The following TEPSIN variants were observed in gnomAD, a reference collection of about 807,000 sequenced individuals.
The protein encoded by TEPSIN is AP-4 complex accessory subunit tepsin.
Under a neutral mutation model 48.5 loss-of-function variants are expected in TEPSIN, and 50 were observed. The ratio of observed to expected loss-of-function variants is 1.03; its 90% CI spans 0.82 to 1.31. The LOEUF (loss-of-function observed/expected upper bound fraction) is 1.31. Among genes scored for constraint, TEPSIN ranks in the 50% most tolerant of loss-of-function variants. TEPSIN has a pLI of 0.00. For missense variants in TEPSIN, 838 were observed against 815.9 expected (o/e 1.03, Z -0.33); for synonymous variants, 392 against 358.8 (o/e 1.09, Z -1.05).
chr17:81,231,267 G>A (rs569415977), intron 11 of TEPSIN, 131 bp downstream of exon 11: 31 of 964,470 alleles, frequency 3.2e-5, no homozygotes, highest in Middle Eastern at 3.4e-4. Context: ...ATGTGCGCAC[G>A]CACAGCCACA....
At chr17:81,229,628 G>A (rs898455135) in intron 12 of TEPSIN, 152 bp from the exon 13 acceptor site, 12 of 798,712 alleles carry the variant, frequency 1.5e-5, no homozygotes, top group Non-Finnish European at 2.4e-5. Context: ...AGGGGCTGGG[G>A]CAGTGCACCC....
chr17:81,238,905 T>G, intron 1 of TEPSIN, 81 bp downstream of exon 1: 1 of 1,381,276 alleles, frequency 7.2e-7, no homozygotes, highest in South Asian at 1.6e-5. Flanking sequence ...GGTCAATGGC[T>G]CCGGCCCGGG....
chr17:81,236,697 G>C lies in TEPSIN; in HGVS notation c.307+11C>G. On this transcript the variant is annotated intron_variant, in intron 4 of 12. Coordinates refer to ENST00000637944, the MANE Select transcript of TEPSIN (RefSeq NM_001363764.2). ...CCTGGCTCTTCCTGAGCGCGTGCGCGGCCCCTGTACCTGCAGCTTCCTGGA... is the reference window on the plus strand; with the variant it reads ...CCTGGCTCTTCCTGAGCGCGTGCGCCGCCCCTGTACCTGCAGCTTCCTGGA... 3 of 1,554,820 alleles carry C rather than the reference G, an allele frequency of 1.9e-6. No homozygotes were observed. The highest frequency in any genetic ancestry group is 1.7e-6 in the Non-Finnish European group (2 of 1,149,488).
At position 81,231,632 on chromosome 17, in the gene TEPSIN, G is replaced by A. The variant is rs1274276219; in HGVS notation, c.965C>T (p.Thr322Ile). Residue 322 changes from threonine (T) to isoleucine (I), a missense_variant, in exon 10 of 13, where the codon ACT becomes ATT. Transcript: ENST00000637944. ...QQELSLVRTV[T>I]RGPRAFLSRE... ...GCTCAGGAAGGCGCGTGGTCCCCGAGTCACAGTCCTCACCAAGCTCAACTC... is the reference window on the plus strand; with the variant it reads ...GCTCAGGAAGGCGCGTGGTCCCCGAATCACAGTCCTCACCAAGCTCAACTC... The A allele has an allele frequency of 6.2e-7, 1 of 1,613,264 alleles. No homozygotes were observed. Among genetic ancestry groups the A allele is most frequent in the African/African-American group, 1.3e-5 (1 of 75,026 alleles).
Position 81,234,383 on chromosome 17 carries a change from T to G in TEPSIN, c.308-335A>C. The G allele has an allele frequency of 7.7e-6, 2 of 260,042 alleles. No homozygotes were observed. The highest frequency in any genetic ancestry group is 1.5e-5 in the Non-Finnish European group (2 of 137,770). 16.1% of individuals were successfully genotyped at this position (260,042 alleles called of 1,614,324 possible). On this transcript the variant is annotated intron_variant, in intron 4 of 12. Coordinates refer to ENST00000637944, the MANE Select transcript of TEPSIN (RefSeq NM_001363764.2). This position sits in a 1 kb window ranked among gnomAD's most constrained non-coding sequence, Gnocchi z 5.4. The stretch of plus-strand genomic sequence containing the variant: ...GGTGCACCAGGGACCCCTCAGAGGC[T>G]TCCGGGGCCTGGAGGGAGAAACCAG...
intron 12 of TEPSIN, 177 bp from the exon 13 acceptor site, chr17:81,229,653 C>T (rs558559489): frequency 1.2e-4 from 77 of 659,142 alleles, no homozygotes; most frequent in South Asian, 1.1e-3. Flanking sequence ...GTCATCCCAC[C>T]GAGAGCAGCT....
chr17:81,230,877 A>G lies in TEPSIN; in HGVS notation c.1099-199T>C, dbSNP rs112664429. 0.016 allele frequency: 9,196 copies of G among 589,756 alleles called. 161 individuals carry two copies. The highest frequency in any genetic ancestry group is 0.087 in the African/African-American group (3,463 of 39,716). The allele number at this position is 589,756 out of a possible 1,614,324, so 36.5% of individuals were successfully genotyped here. ...CAGACACCACAGCCCTGTCCTCACC[A>G]CCTTACACCCCCGCTCCCAGACACC... On this transcript the variant is annotated intron_variant, in intron 11 of 12. Coordinates refer to ENST00000637944, the MANE Select transcript of TEPSIN (RefSeq NM_001363764.2). The surrounding 1 kb of genome is among the most constrained non-coding windows in gnomAD (Gnocchi z 4.2).
chr17:81,230,919 C>T lies in TEPSIN; in HGVS notation c.1099-241G>A, dbSNP rs555655882. Reference sequence around the variant, plus strand: ...CCAGACACCAGAGCCCTGTCTTCACCGCCTTACACCCCAGCTCCCGGACAC... The same window carrying T: ...CCAGACACCAGAGCCCTGTCTTCACTGCCTTACACCCCAGCTCCCGGACAC... On this transcript the variant is annotated intron_variant, in intron 11 of 12. Transcript: ENST00000637944. The surrounding 1 kb of genome is among the most constrained non-coding windows in gnomAD (Gnocchi z 4.2). The T allele has an allele frequency of 3.0e-4, 168 of 561,782 alleles. 1 individual carries two copies. Among genetic ancestry groups the T allele is most frequent in the African/African-American group, 2.6e-3 (137 of 51,800 alleles). The allele number at this position is 561,782 out of a possible 1,614,324, so 34.8% of individuals were successfully genotyped here. A position where few individuals can be genotyped will look rare whatever the true frequency, so the allele number is the denominator to read the frequency against.
Position 81,233,622 on chromosome 17 carries a change from C to G in TEPSIN, c.454+16G>C, listed in dbSNP as rs780417726. ...ACCAGGTGCCAGAGCTGGACACGGT[C>G]CCCTCAGTCACCTACCTGTGGCAGG... On this transcript the variant is annotated intron_variant, in intron 6 of 12. Transcript: ENST00000637944. The surrounding 1 kb of genome is among the most constrained non-coding windows in gnomAD (Gnocchi z 5.8). The G allele has an allele frequency of 6.3e-7, 1 of 1,591,372 alleles. No individual in the cohort carries two copies. The highest frequency in any genetic ancestry group is 1.1e-5 in the South Asian group (1 of 87,238).
Position 81,237,430 on chromosome 17 carries a change from AT to A in TEPSIN, c.77del (p.Asp26ValfsTer33). 6.2e-7 allele frequency: 1 copy of A among 1,611,570 alleles called. No individual in the cohort carries two copies. The highest frequency in any genetic ancestry group is 8.5e-7 in the Non-Finnish European group (1 of 1,179,282). On this transcript the variant is annotated frameshift_variant, in exon 2 of 13. Coordinates refer to ENST00000637944, the MANE Select transcript of TEPSIN (RefSeq NM_001363764.2). LOFTEE classifies it high-confidence loss of function. ...RLPILLKGTS[D>X]DDVPCPGYLF... The stretch of plus-strand genomic sequence containing the variant: ...GGTAGCCCGGACACGGGACATCATC[AT>A]CGGACGTCCCCTTCAGGAGAATCGG...
rs757458631 is a variant in TEPSIN, at chr17:81,231,094, CACAT to C, written c.1098+300_1098+303del. ...TCATGTGCATGCACACACACACAGG[CACAT>C]ACATACACAACCACACACATGCAGT... On this transcript the variant is annotated intron_variant, in intron 11 of 12. Transcript: ENST00000637944. 448 of 538,164 alleles carry C rather than the reference CACAT, an allele frequency of 8.3e-4. 1 individual carries two copies. Among genetic ancestry groups the C allele is most frequent in the Middle Eastern group, 1.9e-3 (4 of 2,060 alleles). 33.3% of individuals were successfully genotyped at this position (538,164 alleles called of 1,614,324 possible).
At chr17:81,238,115 C>G (rs2062759004) in intron 1 of TEPSIN, 1 of 985,796 alleles carries the variant, frequency 1.0e-6, no homozygotes, top group Non-Finnish European at 1.2e-6. Context: ...AGCATGGGAC[C>G]CACCGCGTGA....
At chr17:81,232,928 G>T in intron 7 of TEPSIN, 1 of 229,416 alleles carries the variant, frequency 4.4e-6, no homozygotes. Flanking sequence ...TGCGCAGGAC[G>T]GCGTGACACA....
At chr17:81,237,957 C>T in intron 1 of TEPSIN, 5 of 1,005,010 alleles carry the variant, frequency 5.0e-6, no homozygotes, top group Non-Finnish European at 6.0e-6. Context: ...GTGTGTTTTA[C>T]GTTCGCTTAG....
Position 81,230,885 on chromosome 17 carries a change from C to A in TEPSIN, c.1099-207G>T. The stretch of plus-strand genomic sequence containing the variant: ...ACAGCCCTGTCCTCACCACCTTACA[C>A]CCCCGCTCCCAGACACCAGAGCCCT... On this transcript the variant is annotated intron_variant, in intron 11 of 12. Transcript: ENST00000637944. The surrounding 1 kb of genome is among the most constrained non-coding windows in gnomAD (Gnocchi z 4.2). 2 of 608,444 alleles carry A rather than the reference C, an allele frequency of 3.3e-6. No homozygotes were observed. The highest frequency in any genetic ancestry group is 2.2e-5 in the South Asian group (1 of 45,396). The allele number at this position is 608,444 out of a possible 1,614,324, so 37.7% of individuals were successfully genotyped here.
intron 8 of TEPSIN, 55 bp from the exon 9 acceptor site, chr17:81,232,076 C>T: frequency 6.4e-7 from 1 of 1,569,490 alleles, no homozygotes; most frequent in Non-Finnish European, 8.6e-7. Flanking sequence ...CAGCCCCATG[C>T]CCACCTCCCG....
chr17:81,229,565 G>A, intron 12 of TEPSIN, 89 bp from the exon 13 acceptor site: 1 of 1,406,514 alleles, frequency 7.1e-7, no homozygotes, highest in Admixed American at 2.2e-5. Flanking sequence ...GACCTCCTCA[G>A]TCCCTCCACC....
At position 81,237,455 on chromosome 17, in the gene TEPSIN, G is replaced by C; in HGVS notation, c.53C>G (p.Pro18Arg). The change falls in exon 2 of 13, where the codon CCG (proline) becomes CGG (arginine). Residue 18 changes from proline (P) to arginine (R), a missense_variant. Pro to Arg is a moderately radical substitution (Grantham distance 103, BLOSUM62 -2). Transcript: ENST00000637944. Reference sequence around the variant, plus strand: ...ATCGGACGTCCCCTTCAGGAGAATCGGGAGCTGAAAGGGAACAAGAGCCCC... The same window carrying C: ...ATCGGACGTCCCCTTCAGGAGAATCCGGAGCTGAAAGGGAACAAGAGCCCC... The part of the protein sequence containing the change: ...RDRLSFLHRL[P>R]ILLKGTSDDD... 6.2e-7 allele frequency: 1 copy of C among 1,608,890 alleles called. No individual in the cohort carries two copies. The highest frequency in any genetic ancestry group is 8.5e-7 in the Non-Finnish European group (1 of 1,178,068).
At position 81,236,983 on chromosome 17, in the gene TEPSIN, G is replaced by C; in HGVS notation, c.210C>G (p.Leu70=). The C allele has an allele frequency of 1.9e-6, 3 of 1,578,754 alleles. No homozygotes were observed. Among genetic ancestry groups the C allele is most frequent in the Non-Finnish European group, 2.6e-6 (3 of 1,161,816 alleles). Reference sequence around the variant, plus strand: ...CCTTGACCACCCAGGGGCTCACCTTGAGCTTCCCGTGGCCGGAGCTGCTGT... The same window carrying C: ...CCTTGACCACCCAGGGGCTCACCTTCAGCTTCCCGTGGCCGGAGCTGCTGT... The part of the protein sequence containing the change: ...RLHSSSGHGK[L]KVLKILLYLC... Residue 70 remains leucine (L), a synonymous_variant, in exon 3 of 13, where the codon CTC becomes CTG. Transcript: ENST00000637944.
Sources: gnomAD v4.1 joint callset for allele counts on GRCh38, gnomAD v4.1.1 for gene constraint, Gnocchi (gnomAD v3.1) non-coding constraint, MANE v1.5 for transcripts, NCBI Gene and HGNC (gene_info 2026-07-23, HGNC 2026-07-21) for gene names.